Variants in CDH18 observed in about 807,000 individuals in gnomAD.
CDH18 encodes cadherin-18.
In CDH18, 31 loss-of-function variants were observed where a neutral mutation model predicts 67.9. That is an observed-to-expected ratio of 0.46 (90% confidence interval 0.34 to 0.62). CDH18 has a LOEUF of 0.62. Among genes scored for constraint, CDH18 ranks in the 20% least tolerant of loss-of-function variants. The pLI is 0.01. For missense variants in CDH18, 890 were observed against 975.5 expected (o/e 0.91, Z 1.17); for synonymous variants, 362 against 347.2 (o/e 1.04, Z -0.48).
Position 19,838,865 on chromosome 5 carries a change from A to G in CDH18, c.122T>C (p.Ile41Thr), listed in dbSNP as rs1291041911. The G allele has an allele frequency of 6.2e-6, 10 of 1,614,032 alleles. No homozygotes were observed. The highest frequency in any genetic ancestry group is 5.0e-5 in the Admixed American group (3 of 60,012). ...ATGATGGACTTCGGTTTCACCTTCA[A>G]TGTGTTTGGTTTGGTTTCTCATCAC... ...IKVMRNQTKH[I>T]EGETEVHHRP... is the part of the protein sequence containing the mutation. Residue 41 changes from isoleucine to threonine, a missense_variant, in exon 3 of 13, where the codon ATT becomes ACT. This residue lies in a region of CDH18 where 234 missense variants were observed against 307.4 expected (regional missense o/e 0.76). Transcript: ENST00000382275.
chr5:20,501,600 A>G lies in CDH18; in HGVS notation c.-580+73862T>C, dbSNP rs865927822. Among the ~76,000 whole-genome samples, 53 of 67,736 alleles carry G rather than the reference A, an allele frequency of 7.8e-4. 3 individuals are homozygous for G. The highest frequency in any genetic ancestry group is 2.8e-3 in the African/African-American group (52 of 18,432). 44.4% of individuals were successfully genotyped at this position (67,736 alleles called of 152,430 possible). On this transcript the variant is annotated intron_variant, in intron 1 of 14. Coordinates refer to the CDH18 transcript ENST00000507958. ...TATATATTATATATATATATTATAT[A>G]TATATATATATATATGGAGATGGAG...
chr5:20,321,389 A>G (rs930473833), intron 1 of CDH18, among the ~76,000 whole-genome samples: 1 of 152,090 alleles, frequency 6.6e-6, no homozygotes, highest in Non-Finnish European at 1.5e-5. Context: ...TATGAGAATT[A>G]GTATCTATTG....
chr5:20,561,503 A>G (rs1050547146), intron 1 of CDH18, among the ~76,000 whole-genome samples: 1 of 152,098 alleles, frequency 6.6e-6, no homozygotes. Context: ...AACCAATCTG[A>G]CAAGGCTACA....
At chr5:20,390,904 T>C (rs1744792508) in intron 1 of CDH18, among the ~76,000 whole-genome samples, 1 of 151,450 alleles carries the variant, frequency 6.6e-6, no homozygotes, top group Non-Finnish European at 1.5e-5. Context: ...ACCAAACACA[T>C]GTTCTCACTC....
At chr5:19,899,786 C>A (rs868736301) in intron 2 of CDH18, among the ~76,000 whole-genome samples, 2 of 152,068 alleles carry the variant, frequency 1.3e-5, no homozygotes, top group Non-Finnish European at 2.9e-5. Context: ...CCATATGCCA[C>A]AACGTGGGTG....
At chr5:19,766,214 C>A (rs566339398) in intron 3 of CDH18, among the ~76,000 whole-genome samples, 1 of 152,284 alleles carries the variant, frequency 6.6e-6, no homozygotes, top group Non-Finnish European at 1.5e-5. Flanking sequence ...AAAGTATTCA[C>A]TTACGAGTCT....
chr5:20,484,707 G>C (rs547580792), intron 1 of CDH18, among the ~76,000 whole-genome samples: 1 of 152,068 alleles, frequency 6.6e-6, no homozygotes, highest in East Asian at 1.9e-4. Flanking sequence ...AAAAAGAAAA[G>C]TTCCAGATGT....
At chr5:19,572,302 T>C (rs1442161568) in intron 7 of CDH18, among the ~76,000 whole-genome samples, 1 of 152,216 alleles carries the variant, frequency 6.6e-6, no homozygotes, top group African/African-American at 2.4e-5. Flanking sequence ...CATTTTAAAC[T>C]GGATGAAGTA....
At chr5:19,755,216 T>TA (rs996522529) in intron 3 of CDH18, among the ~76,000 whole-genome samples, 13 of 145,446 alleles carry the variant, frequency 8.9e-5, no homozygotes, top group Middle Eastern at 3.6e-3. Context: ...AATAAAAAAA[T>TA]AAAAAAAAGA....
intron 1 of CDH18, among the ~76,000 whole-genome samples, chr5:20,447,129 C>CT: frequency 6.6e-6 from 1 of 152,018 alleles, no homozygotes; most frequent in South Asian, 2.1e-4. Flanking sequence ...TCCTTTTATC[C>CT]TTTTTCCTTC....
At chr5:20,210,911 A>G (rs1035070126) in intron 2 of CDH18, among the ~76,000 whole-genome samples, 3 of 152,052 alleles carry the variant, frequency 2.0e-5, no homozygotes, top group African/African-American at 7.2e-5. Context: ...ATTTATTGAT[A>G]TATACTTATC....
intron 1 of CDH18, among the ~76,000 whole-genome samples, chr5:20,510,859 G>A (rs1351744559): frequency 6.6e-6 from 1 of 151,998 alleles, no homozygotes; most frequent in Admixed American, 6.6e-5. Flanking sequence ...TGACCCAAGA[G>A]AACAAAATAG....
chr5:20,215,839 C>T (rs1160184738), intron 2 of CDH18, among the ~76,000 whole-genome samples: 1 of 151,866 alleles, frequency 6.6e-6, no homozygotes, highest in Admixed American at 6.6e-5. Context: ...ATGGATGGAG[C>T]TGGAGGCCGT....
intron 2 of CDH18, among the ~76,000 whole-genome samples, chr5:20,245,245 A>G (rs989622046): frequency 1.1e-4 from 16 of 152,148 alleles, no homozygotes; most frequent in Non-Finnish European, 2.1e-4. Context: ...ATGGCATTAT[A>G]TTGTAGCACA....
At chr5:20,367,795 A>G (rs980903225) in intron 1 of CDH18, among the ~76,000 whole-genome samples, 3 of 152,188 alleles carry the variant, frequency 2.0e-5, no homozygotes, top group Non-Finnish European at 4.4e-5. Flanking sequence ...AGGATAACTG[A>G]TCTAGGATTA....
chr5:19,957,069 G>A (rs1796323246), intron 2 of CDH18, among the ~76,000 whole-genome samples: 1 of 151,838 alleles, frequency 6.6e-6, no homozygotes, highest in Non-Finnish European at 1.5e-5. Flanking sequence ...ATTAAAATCT[G>A]TTTCTCAGTT....
chr5:19,645,387 C>T (rs556425052), intron 5 of CDH18, among the ~76,000 whole-genome samples: 1 of 152,168 alleles, frequency 6.6e-6, no homozygotes, highest in South Asian at 2.1e-4. Context: ...AGTCCAAGAA[C>T]CTTAGGAGCG....
chr5:20,202,232 GT>G (rs1435622114), intron 2 of CDH18, among the ~76,000 whole-genome samples: 1 of 152,120 alleles, frequency 6.6e-6, no homozygotes, highest in Non-Finnish European at 1.5e-5. Flanking sequence ...AGGGACACCT[GT>G]AAAAAACTTA....
chr5:20,427,855 G>A (rs1366493277), intron 1 of CDH18, among the ~76,000 whole-genome samples: 1 of 151,140 alleles, frequency 6.6e-6, no homozygotes, highest in Non-Finnish European at 1.5e-5. Flanking sequence ...CTTTGAAATT[G>A]AAAATTTGTT....
Sources: gnomAD v4.1 joint callset for allele counts (sites outside exome capture counted in the v4.1 genomes callset) on GRCh38, gnomAD v4.1.1 for gene constraint, gnomAD v4.1.1 regional missense constraint, MANE v1.5 for transcripts, NCBI Gene and HGNC (gene_info 2026-07-23, HGNC 2026-07-21) for gene names.